ANXA4: variants seen among roughly 807,000 people sequenced by gnomAD.
ANXA4 encodes the protein 35-beta calcimedin.
In ANXA4, 39 loss-of-function variants were observed where a neutral mutation model predicts 49.8. The ratio of observed to expected loss-of-function variants is 0.78; its 90% CI spans 0.61 to 1.02. ANXA4 has a LOEUF of 1.02. Among genes scored for constraint, ANXA4 ranks in the 50% least tolerant of loss-of-function variants. ANXA4 has a pLI of 0.00. For missense variants in ANXA4, 360 were observed against 410.1 expected, an observed-to-expected ratio of 0.88 and a Z score of 1.05; for synonymous variants, 134 against 152.5, an observed-to-expected ratio of 0.88 and a Z score of 0.89.
chr2:69,783,117 T>C (rs530562192), intron 2 of ANXA4, among the ~76,000 whole-genome samples: 1 of 152,354 alleles, frequency 6.6e-6, no homozygotes, highest in African/African-American at 2.4e-5. Context: ...TTATCTCTTC[T>C]CTATGCTAAT....
chr2:69,755,106 G>A (rs747858478), intron 1 of ANXA4, among the ~76,000 whole-genome samples: 9 of 152,226 alleles, frequency 5.9e-5, no homozygotes, highest in African/African-American at 1.7e-4. Context: ...TAAATGTTAC[G>A]TGATTCCACT....
chr2:69,683,376 G>A (rs1301879789), intron 2 of ANXA4, among the ~76,000 whole-genome samples: 8 of 152,260 alleles, frequency 5.3e-5, no homozygotes, highest in South Asian at 2.1e-4. Flanking sequence ...TTCTAATTGA[G>A]TGATGTTTAC....
chr2:69,653,282 G>A (rs564815367), exon 2 of ANXA4: 5 of 152,322 alleles, frequency 3.3e-5, no homozygotes, highest in Admixed American at 1.3e-4. Context: ...TCCACAGTTA[G>A]GTAAGTACAG....
At chr2:69,734,831 A>G (rs1670201875) in intron 3 of ANXA4, among the ~76,000 whole-genome samples, 1 of 152,208 alleles carries the variant, frequency 6.6e-6, no homozygotes, top group Non-Finnish European at 1.5e-5. Flanking sequence ...CAACTTGAGT[A>G]TAGTGTACCC....
intron 2 of ANXA4, among the ~76,000 whole-genome samples, chr2:69,671,038 A>AG (rs1232379311): frequency 6.6e-6 from 1 of 151,272 alleles, no homozygotes; most frequent in African/African-American, 2.4e-5. Flanking sequence ...AAAAAAAAAA[A>AG]AAAAAAAAAA....
intron 1 of ANXA4, among the ~76,000 whole-genome samples, chr2:69,774,632 G>A (rs927080003): frequency 8.5e-5 from 13 of 152,146 alleles, no homozygotes; most frequent in Non-Finnish European, 1.5e-4. Flanking sequence ...GAGCCACCGC[G>A]TCCAGCCAAA....
intron 3 of ANXA4, among the ~76,000 whole-genome samples, chr2:69,721,022 G>C (rs1669798101): frequency 6.6e-6 from 1 of 152,228 alleles, no homozygotes; most frequent in Admixed American, 6.5e-5. Context: ...AACATATATA[G>C]ATGTCACACA....
intron 12 of ANXA4, among the ~76,000 whole-genome samples, chr2:69,824,386 C>CCAGCTACGCAGCT (rs1194089861): frequency 6.6e-6 from 1 of 151,808 alleles, no homozygotes; most frequent in African/African-American, 2.4e-5. Context: ...ACCTGTAGTG[C>CCAGCTACGCAGCT]CAGCTACGCA....
chr2:69,748,710 CTTT>C (rs567935153), intron 1 of ANXA4, among the ~76,000 whole-genome samples: 11 of 132,570 alleles, frequency 8.3e-5, no homozygotes, highest in Admixed American at 1.5e-4. Context: ...TACCCTACTT[CTTT>C]TTTTTTTTTT....
intron 2 of ANXA4, among the ~76,000 whole-genome samples, chr2:69,699,900 C>T (rs188262553): frequency 2.6e-5 from 4 of 152,226 alleles, no homozygotes; most frequent in African/African-American, 7.2e-5. Context: ...CTGAAGATGG[C>T]GACCTCCAGG....
intron 1 of ANXA4, among the ~76,000 whole-genome samples, chr2:69,757,696 C>A (rs566890345): frequency 6.6e-6 from 1 of 151,786 alleles, no homozygotes; most frequent in Non-Finnish European, 1.5e-5. Context: ...GGGTGGCTCA[C>A]GCCTGTAATC....
intron 2 of ANXA4, among the ~76,000 whole-genome samples, chr2:69,711,666 G>T (rs1461618857): frequency 2.6e-5 from 4 of 152,176 alleles, no homozygotes; most frequent in Non-Finnish European, 4.4e-5. Flanking sequence ...TATGTACATT[G>T]TACCTCAATA....
chr2:69,820,580 G>C (rs561433989), intron 11 of ANXA4, 119 bp from the exon 12 acceptor site: 43 of 1,197,324 alleles, frequency 3.6e-5, no homozygotes, highest in Admixed American at 2.5e-4. Flanking sequence ...GGCCTGCCAA[G>C]TAGTGGAGCA....
intron 9 of ANXA4, chr2:69,817,194 C>T (rs1284813694): frequency 6.6e-6 from 1 of 152,146 alleles, no homozygotes; most frequent in African/African-American, 2.4e-5. Flanking sequence ...AATGCATTTG[C>T]AAGAATTTTC....
intron 1 of ANXA4, among the ~76,000 whole-genome samples, chr2:69,756,689 T>C (rs979505318): frequency 9.9e-5 from 15 of 152,006 alleles, no homozygotes; most frequent in African/African-American, 3.6e-4. Context: ...ATAATTTAAA[T>C]TTTTTCTTCC....
intron 3 of ANXA4, among the ~76,000 whole-genome samples, chr2:69,794,848 CTGTT>C (rs1672870973): frequency 6.6e-6 from 1 of 152,130 alleles, no homozygotes; most frequent in Non-Finnish European, 1.5e-5. Context: ...TGAGTTTTAA[CTGTT>C]TGAGTTTCTT....
Position 69,679,765 on chromosome 2 carries a change from C to T in ANXA4, n.766+26483C>T, listed in dbSNP as rs190427152. ...AAGCACCAATTATTGAAGAGGGTGT[C>T]CTTTTCTCAATGTCTGTTATTGGCA... On this transcript the variant is annotated intron_variant and non_coding_transcript_variant, in intron 2 of 3. Coordinates refer to the ANXA4 transcript ENST00000418066. Among the ~76,000 whole-genome samples the T allele has an allele frequency of 4.6e-5, 7 of 152,266 alleles. No individual in the cohort carries two copies. In the East Asian group the frequency reaches 1.3e-3, roughly 29 times the overall value.
chr2:69,778,640 C>T (rs1050153199), intron 1 of ANXA4, among the ~76,000 whole-genome samples: 10 of 152,026 alleles, frequency 6.6e-5, no homozygotes, highest in Non-Finnish European at 1.5e-5. Flanking sequence ...CCAGGCATGG[C>T]GGCACATGCT....
upstream of ANXA4, among the ~76,000 whole-genome samples, chr2:69,738,337 G>T (rs531531328): frequency 5.6e-4 from 85 of 152,218 alleles, no homozygotes; most frequent in African/African-American, 2.0e-3. Context: ...AAACTCTCCA[G>T]CCTGGTGAGT....
Sources: allele counts gnomAD v4.1 joint callset (sites outside exome capture counted in the v4.1 genomes callset), GRCh38; gene constraint gnomAD v4.1.1; transcripts MANE v1.5; gene names NCBI Gene and HGNC (gene_info 2026-07-23, HGNC 2026-07-21).